The following DDX60 variants were observed in gnomAD, a reference collection of about 807,000 sequenced individuals.
DDX60 encodes the protein DExD/H-box helicase 60.
A neutral mutation model predicts 212.8 loss-of-function variants in DDX60; 165 were observed. The observed-to-expected ratio is 0.78, with a 90% CI of 0.68 to 0.88. The LOEUF is 0.88. Ranked by LOEUF, DDX60 falls within the 40% of genes least tolerant of loss-of-function variation. DDX60 has a pLI of 0.00. For synonymous variants in DDX60, 703 were observed against 685.3 expected (o/e 1.03, Z -0.40); for missense variants, 1,905 against 2,003.9 (o/e 0.95, Z 0.94).
intron 6 of DDX60, among the ~76,000 whole-genome samples, chr4:168,297,382 G>GAGAGAGAGAGAGAGAA (rs1560870698): frequency 1.3e-4 from 5 of 39,908 alleles, no homozygotes; most frequent in Non-Finnish European, 2.2e-4. Flanking sequence ...AAGAAAGAAA[G>GAGAGAGAGAGAGAGAA]AGAAAGAAAG....
rs1434392277 is a variant in DDX60, at chr4:168,250,820, C to T, written c.3858+134G>A. The stretch of plus-strand genomic sequence containing the variant: ...TATTATAGGTATGACCCATCACGCC[C>T]GGCCAACTTATTTTTTTAAAAGACA... On this transcript the variant is annotated intron_variant, in intron 28 of 37. Coordinates refer to ENST00000393743, the MANE Select transcript of DDX60 (RefSeq NM_017631.6). 9 of 743,142 alleles carry T rather than the reference C, an allele frequency of 1.2e-5. No individual in the cohort carries two copies. The South Asian group carries it at 1.4e-4, about 12-fold the overall frequency. The allele number at this position is 743,142 out of a possible 1,614,324, so 46.0% of individuals were successfully genotyped here.
intron 1 of DDX60, among the ~76,000 whole-genome samples, chr4:168,315,016 T>TTTA (rs1737302951): frequency 6.6e-6 from 1 of 152,158 alleles, no homozygotes; most frequent in African/African-American, 2.4e-5. Context: ...TGAGAACTGG[T>TTTA]TTAAGAAATG....
chr4:168,288,292 G>T lies in DDX60; in HGVS notation c.1065C>A (p.Ile355=). 6.8e-7 allele frequency: 1 copy of T among 1,480,362 alleles called. No homozygotes were observed. 91.7% of individuals were successfully genotyped at this position (1,480,362 alleles called of 1,614,324 possible). ...ATTCAAAAGTATGTATATTTCTTAA[G>T]ATGAAATATTCACACCACTTTTTCT... is the stretch of plus-strand genomic sequence containing the variant. The part of the protein sequence containing the change: ...LQMKKWCEYF[I]LRNIHTFEFW... Residue 355 remains isoleucine (I), a synonymous_variant, in exon 9 of 38, where the codon ATC becomes ATA. Transcript: ENST00000393743.
At chr4:168,264,000 G>A (rs77204576) in intron 22 of DDX60, among the ~76,000 whole-genome samples, 2,799 of 152,138 alleles carry the variant, frequency 0.018, 43 homozygotes, top group Middle Eastern at 0.044. Flanking sequence ...TGACAATAGG[G>A]CACTTGCTTT....
At chr4:168,306,093 T>C (rs1307794690) in intron 5 of DDX60, among the ~76,000 whole-genome samples, 1 of 152,230 alleles carries the variant, frequency 6.6e-6, no homozygotes, top group Non-Finnish European at 1.5e-5. Context: ...CTAGTATCTA[T>C]TTCATCACTG....
At chr4:168,262,233 G>T in intron 23 of DDX60, 105 bp from the exon 24 acceptor site, 2 of 1,294,590 alleles carry the variant, frequency 1.5e-6, no homozygotes, top group Non-Finnish European at 2.1e-6. Context: ...CTTGAGCACA[G>T]AGATGGTTAA....
At chr4:168,217,411 C>T (rs1337060962) in intron 37 of DDX60, among the ~76,000 whole-genome samples, 1 of 152,120 alleles carries the variant, frequency 6.6e-6, no homozygotes, top group African/African-American at 2.4e-5. Flanking sequence ...CTGAAACCCA[C>T]AGGCAGCTAC....
intron 30 of DDX60, among the ~76,000 whole-genome samples, chr4:168,244,765 G>A (rs1190315780): frequency 6.6e-6 from 1 of 151,680 alleles, no homozygotes; most frequent in Non-Finnish European, 1.5e-5. Context: ...AAGAATTTCA[G>A]GAAAACAAAA....
chr4:168,279,145 C>A (rs1174145501), intron 14 of DDX60, among the ~76,000 whole-genome samples: 1 of 152,158 alleles, frequency 6.6e-6, no homozygotes, highest in Admixed American at 6.5e-5. Context: ...CATACACTCT[C>A]AAAAACAAAA....
At chr4:168,220,849 GC>G (rs1733027391) in intron 36 of DDX60, 132 bp from the exon 37 acceptor site, 17 of 435,052 alleles carry the variant, frequency 3.9e-5, no homozygotes, top group Non-Finnish European at 6.8e-5. Flanking sequence ...AATTATTTCT[GC>G]CACAGACTCC....
intron 5 of DDX60, among the ~76,000 whole-genome samples, chr4:168,305,317 G>C (rs542130778): frequency 6.6e-6 from 1 of 152,102 alleles, no homozygotes; most frequent in African/African-American, 2.4e-5. Flanking sequence ...ATACAAACTA[G>C]CTTATTTTAT....
intron 37 of DDX60, 68 bp downstream of exon 37, chr4:168,220,587 T>C (rs763244692): frequency 7.8e-5 from 74 of 945,618 alleles, no homozygotes; most frequent in Non-Finnish European, 4.7e-6. Context: ...TAGTAACAGC[T>C]CAACATTTTT....
chr4:168,304,367 TACATATTTTA>T (rs1251002016), intron 5 of DDX60, among the ~76,000 whole-genome samples: 6 of 151,986 alleles, frequency 3.9e-5, no homozygotes, highest in African/African-American at 1.5e-4. Flanking sequence ...GCTTAAAAAG[TACATATTTTA>T]ACAGAAAAAA....
At chr4:168,227,096 T>C (rs953755485) in intron 33 of DDX60, among the ~76,000 whole-genome samples, 6 of 152,232 alleles carry the variant, frequency 3.9e-5, no homozygotes, top group African/African-American at 1.4e-4. Context: ...ATCATGCATA[T>C]TTAAGATATA....
chr4:168,299,413 C>G (rs554035586), intron 6 of DDX60, among the ~76,000 whole-genome samples: 3 of 150,450 alleles, frequency 2.0e-5, no homozygotes, highest in South Asian at 2.1e-4. Context: ...CCCAGCCCCC[C>G]CAAAAATCTA....
chr4:168,279,301 C>CA (rs1246597854), intron 14 of DDX60, among the ~76,000 whole-genome samples: 1 of 152,210 alleles, frequency 6.6e-6, no homozygotes, highest in Non-Finnish European at 1.5e-5. Context: ...AGACAATGCA[C>CA]CTAGCCATCC....
the DDX60 span, among the ~76,000 whole-genome samples, chr4:168,325,030 T>C: frequency 6.6e-6 from 1 of 152,224 alleles, no homozygotes; most frequent in African/African-American, 2.4e-5. Flanking sequence ...AAATCTATTA[T>C]AGCAGATTTT....
In DDX60 at chr4:168,284,968, C is replaced by A. The variant is rs749033315; in HGVS notation, c.1446-33G>T. 18 of 1,065,298 alleles carry A rather than the reference C, an allele frequency of 1.7e-5. No homozygotes were observed. In the South Asian group the frequency reaches 2.7e-4, roughly 16 times the overall value. 66.0% of individuals were successfully genotyped at this position (1,065,298 alleles called of 1,614,324 possible). A position where few individuals can be genotyped will look rare whatever the true frequency, so the allele number is the denominator to read the frequency against. On this transcript the variant is annotated intron_variant, in intron 11 of 37. Coordinates refer to ENST00000393743, the MANE Select transcript of DDX60 (RefSeq NM_017631.6). ...ACAAAAAAAGGCATATTTTAAATTGCACACTTCCAAATATAACACAGCACA... is the reference window on the plus strand; with the variant it reads ...ACAAAAAAAGGCATATTTTAAATTGAACACTTCCAAATATAACACAGCACA...
chr4:168,224,527 C>T, intron 34 of DDX60, 142 bp from the exon 35 acceptor site: 1 of 755,810 alleles, frequency 1.3e-6, no homozygotes, highest in Non-Finnish European at 2.1e-6. Flanking sequence ...AGTTATATCG[C>T]ATAAGGTTAG....
Sources: gnomAD v4.1 joint callset for allele counts (sites outside exome capture counted in the v4.1 genomes callset) on GRCh38, gnomAD v4.1.1 for gene constraint, MANE v1.5 for transcripts, NCBI Gene and HGNC (gene_info 2026-07-23, HGNC 2026-07-21) for gene names.